Variants in EPG5 observed in about 807,000 individuals in gnomAD.
The protein encoded by EPG5 is ectopic P-granules 5 autophagy tethering factor, also known as ectopic P granules protein 5 homolog.
A neutral mutation model predicts 302.7 loss-of-function variants in EPG5; 159 were observed. The ratio of observed to expected loss-of-function variants is 0.53; its 90% CI spans 0.46 to 0.60. The LOEUF (loss-of-function observed/expected upper bound fraction) is 0.60, where lower values mean the gene tolerates loss of function less well. Ranked by LOEUF, EPG5 falls within the 20% of genes least tolerant of loss-of-function variation. The pLI, the probability that EPG5 is intolerant of heterozygous loss-of-function variation, is 0.00. For synonymous variants in EPG5, 1,158 were observed against 1,136.8 expected, an observed-to-expected ratio of 1.02 and a Z score of -0.37; for missense variants, 2,896 against 3,092.4, an observed-to-expected ratio of 0.94 and a Z score of 1.51.
At chr18:45,837,416 TG>T in the EPG5 span, 1 of 1,379,920 alleles carries the variant, frequency 7.2e-7, no homozygotes, top group Non-Finnish European at 9.4e-7. Context: ...GGCTAGGGGT[TG>T]GGGGAGCGTT....
chr18:45,951,690 C>A (rs751434399), intron 3 of EPG5, among the ~76,000 whole-genome samples: 6 of 152,062 alleles, frequency 3.9e-5, no homozygotes, highest in Non-Finnish European at 5.9e-5. Context: ...AACTCCTGAC[C>A]TCAAGTGATC....
chr18:45,881,678 T>C (rs1460152742), intron 31 of EPG5, among the ~76,000 whole-genome samples: 2 of 152,206 alleles, frequency 1.3e-5, no homozygotes, highest in African/African-American at 4.8e-5. Context: ...CCCTATTTAT[T>C]TCTCCTCTAA....
the EPG5 span, chr18:45,838,611 A>G: frequency 7.2e-7 from 1 of 1,382,216 alleles, no homozygotes; most frequent in Non-Finnish European, 9.4e-7. Flanking sequence ...CTGGCACCCA[A>G]GTGCCCATTC....
intron 24 of EPG5, among the ~76,000 whole-genome samples, chr18:45,905,198 T>TAAC (rs1045324199): frequency 1.3e-5 from 2 of 152,194 alleles, no homozygotes; most frequent in African/African-American, 4.8e-5. Flanking sequence ...GGACTGCCTT[T>TAAC]AACAACAACA....
At chr18:45,829,623 G>A in the EPG5 span, among the ~76,000 whole-genome samples, 2 of 152,006 alleles carry the variant, frequency 1.3e-5, no homozygotes, top group Admixed American at 1.3e-4. Flanking sequence ...TGCCACCCCC[G>A]GAGCCACACT....
intron 31 of EPG5, among the ~76,000 whole-genome samples, 163 bp from the exon 32 acceptor site, chr18:45,880,386 C>T (rs542957675): frequency 6.6e-6 from 1 of 152,316 alleles, no homozygotes; most frequent in Non-Finnish European, 1.5e-5. Flanking sequence ...TAAAGAGAAC[C>T]TAAGAGAAGA....
At chr18:45,917,882 C>T in intron 16 of EPG5, 63 bp from the exon 17 acceptor site, 1 of 1,590,474 alleles carries the variant, frequency 6.3e-7, no homozygotes, top group South Asian at 1.1e-5. Context: ...TCTGTTCTTC[C>T]AATGAGTTAT....
intron 34 of EPG5, 40 bp from the exon 35 acceptor site, chr18:45,876,382 G>A (rs1458632771): frequency 6.6e-7 from 1 of 1,523,058 alleles, no homozygotes; most frequent in Non-Finnish European, 9.1e-7. Context: ...ATGCAACCGT[G>A]ATTAAAATAC....
the EPG5 span, among the ~76,000 whole-genome samples, chr18:45,834,641 C>T: frequency 6.6e-6 from 1 of 152,232 alleles, no homozygotes; most frequent in Non-Finnish European, 1.5e-5. Context: ...AAATCTGTCT[C>T]CTTTTCTAAG....
the EPG5 span, among the ~76,000 whole-genome samples, chr18:45,831,914 T>G: frequency 1.8e-4 from 28 of 152,172 alleles, no homozygotes; most frequent in South Asian, 6.2e-4. Context: ...ATTTTTGTGT[T>G]TTTAGTAGAG....
intron 1 of EPG5, among the ~76,000 whole-genome samples, chr18:45,958,531 A>G (rs1241706678): frequency 6.6e-6 from 1 of 152,246 alleles, no homozygotes; most frequent in East Asian, 1.9e-4. Context: ...TATATGGCAA[A>G]TTGATTTTGA....
the EPG5 span, chr18:45,825,593 G>C: frequency 1.2e-6 from 1 of 826,790 alleles, no homozygotes; most frequent in Non-Finnish European, 2.0e-6. Context: ...GGCTCCCGCA[G>C]AGCCCACAGG....
At chr18:45,813,520 T>C in the EPG5 span, among the ~76,000 whole-genome samples, 1 of 152,202 alleles carries the variant, frequency 6.6e-6, no homozygotes, top group Non-Finnish European at 1.5e-5. Context: ...CCAACCCAAA[T>C]GTCCAGCAAT....
intron 25 of EPG5, among the ~76,000 whole-genome samples, chr18:45,901,482 AGT>A (rs2049616912): frequency 6.6e-6 from 1 of 152,094 alleles, no homozygotes. Context: ...AGGTAAATGG[AGT>A]AGGTCTGGAG....
the EPG5 span, chr18:45,837,785 G>T: frequency 1.3e-6 from 2 of 1,524,080 alleles, no homozygotes; most frequent in Non-Finnish European, 1.7e-6. Context: ...CTCGCTGCGC[G>T]TCGAGCGCCT....
chr18:45,957,585 A>T (rs1162853195), intron 1 of EPG5, among the ~76,000 whole-genome samples: 1 of 152,136 alleles, frequency 6.6e-6, no homozygotes, highest in Non-Finnish European at 1.5e-5. Flanking sequence ...CACATCAGGG[A>T]CTCTTCATCG....
chr18:45,910,822 G>T, intron 22 of EPG5, 80 bp from the exon 23 acceptor site: 2 of 1,086,122 alleles, frequency 1.8e-6, no homozygotes, highest in Non-Finnish European at 1.3e-6. Flanking sequence ...CAGTTAATTA[G>T]CAAGGCAATT....
chr18:45,830,396 G>C, the EPG5 span, among the ~76,000 whole-genome samples: 9 of 152,150 alleles, frequency 5.9e-5, no homozygotes, highest in Non-Finnish European at 1.0e-4. Context: ...GCAATGATGT[G>C]AGAGCTAATG....
intron 23 of EPG5, among the ~76,000 whole-genome samples, chr18:45,908,775 C>T (rs1444244053): frequency 1.3e-5 from 2 of 152,128 alleles, no homozygotes; most frequent in African/African-American, 4.8e-5. Context: ...ATGGTGAAAG[C>T]TTGTCTCTAC....
Sources: gnomAD v4.1 joint callset for allele counts (sites outside exome capture counted in the v4.1 genomes callset) on GRCh38, gnomAD v4.1.1 for gene constraint, MANE v1.5 for transcripts, NCBI Gene and HGNC (gene_info 2026-07-23, HGNC 2026-07-21) for gene names.